Variants in AKAP12 observed in about 807,000 individuals in gnomAD.
The protein encoded by AKAP12 is A-kinase anchoring protein 12, also known as A-kinase anchor protein 12.
In AKAP12, 32 loss-of-function variants were observed where a neutral mutation model predicts 79.9. That is an observed-to-expected ratio of 0.40 (90% CI 0.30 to 0.54). AKAP12 has a LOEUF of 0.54. AKAP12 is among the 20% of genes least tolerant of loss of function. AKAP12 has a pLI of 0.48. For synonymous variants in AKAP12, 808 were observed against 857.0 expected (o/e 0.94, Z 1.00); for missense variants, 2,074 against 2,177.0 (o/e 0.95, Z 0.94).
At chr6:151,293,793 G>A (rs925965537) in intron 2 of AKAP12, among the ~76,000 whole-genome samples, 2 of 152,238 alleles carry the variant, frequency 1.3e-5, no homozygotes, top group Non-Finnish European at 1.5e-5. Flanking sequence ...TGGAATTGCC[G>A]GATTACATAT....
At chr6:151,259,507 T>TAC (rs762556792) in intron 2 of AKAP12, among the ~76,000 whole-genome samples, 3,826 of 122,348 alleles carry the variant, frequency 0.031, 71 homozygotes, top group Middle Eastern at 0.046. Flanking sequence ...CATGTATATA[T>TAC]ATATACACAC....
At chr6:151,299,653 T>G (rs1448592691) in intron 2 of AKAP12, among the ~76,000 whole-genome samples, 1 of 152,196 alleles carries the variant, frequency 6.6e-6, no homozygotes, top group Non-Finnish European at 1.5e-5. Context: ...AGGGACATCT[T>G]CACACATGAG....
At chr6:151,259,470 G>GTGTA (rs1554319977) in intron 2 of AKAP12, among the ~76,000 whole-genome samples, 3,395 of 92,994 alleles carry the variant, frequency 0.037, 165 homozygotes, top group African/African-American at 0.13. Flanking sequence ...ATATATACAT[G>GTGTA]TATATATATA....
intron 3 of AKAP12, among the ~76,000 whole-genome samples, chr6:151,313,755 G>A (rs1181627469): frequency 2.6e-5 from 4 of 152,166 alleles, no homozygotes; most frequent in Non-Finnish European, 5.9e-5. Context: ...TAGGGCGCTA[G>A]ACACGGCTAA....
rs369417804 is a variant in AKAP12, at chr6:151,274,687, G to GA, written c.163-31054dup. Among the ~76,000 whole-genome samples the GA allele has an allele frequency of 7.3e-3, 1,109 of 152,206 alleles. 16 individuals carry two copies. The highest frequency in any genetic ancestry group is 0.025 in the African/African-American group (1,058 of 41,532). ...CCATTATCACTTTTGTGTGTTCTTA[G>GA]AAAAAAGGAGTGTTTGTGAGTTGGG... On this transcript the variant is annotated intron_variant, in intron 2 of 4. Transcript: ENST00000402676.
intron 3 of AKAP12, among the ~76,000 whole-genome samples, chr6:151,336,057 T>TCAATCAGGAA (rs1372189158): frequency 6.6e-6 from 1 of 152,220 alleles, no homozygotes; most frequent in Non-Finnish European, 1.5e-5. Context: ...CTTAGGATAA[T>TCAATCAGGAA]GGCCTCCAGA....
At chr6:151,247,982 C>G (rs1238255273) in intron 2 of AKAP12, among the ~76,000 whole-genome samples, 1 of 152,150 alleles carries the variant, frequency 6.6e-6, no homozygotes, top group Non-Finnish European at 1.5e-5. Context: ...TTCTCTCTGC[C>G]TAATCTTAAT....
chr6:151,248,928 A>G (rs1415727206), intron 2 of AKAP12, among the ~76,000 whole-genome samples: 1 of 152,048 alleles, frequency 6.6e-6, no homozygotes, highest in Non-Finnish European at 1.5e-5. Flanking sequence ...TGGAGGTTGC[A>G]GTGAGCCGAG....
Position 151,353,564 on chromosome 6 carries a change from A to G in AKAP12, c.5173A>G (p.Lys1725Glu). ...TACTGATGCCTCAGGAGGCTTAACC[A>G]AAGAGTCCCCAGATACAAATGGACC... ...ADTDASGGLT[K>E]ESPDTNGPKQ... is the part of the protein sequence containing the mutation. The change falls in exon 4 of 5, where the codon AAA becomes GAA. Residue 1725 changes from lysine (K) to glutamate (E), a missense_variant. Lys to Glu is a moderately conservative substitution (Grantham distance 56, BLOSUM62 1). Around this residue, in one of 3 missense-constraint regions of AKAP12, gnomAD observed 614 missense variants for 665.6 expected, o/e 0.92. Coordinates refer to ENST00000402676, the MANE Select transcript of AKAP12 (RefSeq NM_005100.4). 1.2e-6 allele frequency: 2 copies of G among 1,614,216 alleles called. No homozygotes were observed. The highest frequency in any genetic ancestry group is 8.5e-7 in the Non-Finnish European group (1 of 1,180,028).
rs116881919 is a variant in AKAP12 at position 151,307,972 on chromosome 6, G to A, written c.319+2069G>A. ...ATCTGCCTCCCCGCGCACATCCCCC[G>A]CCTCCGGCTCCAGTGATTCTCCTGC... On this transcript the variant is annotated intron_variant, in intron 3 of 4. Transcript: ENST00000402676. Among the ~76,000 whole-genome samples, 392 of 152,042 alleles carry A rather than the reference G, an allele frequency of 2.6e-3. 1 individual carries two copies. Among genetic ancestry groups the A allele is most frequent in the African/African-American group, 8.9e-3 (371 of 41,478 alleles).
chr6:151,240,875 G>T (rs1237071924), intron 2 of AKAP12, 151 bp downstream of exon 2: 4 of 775,648 alleles, frequency 5.2e-6, no homozygotes, highest in Non-Finnish European at 7.0e-6. Flanking sequence ...CTCTTTGGAG[G>T]CTTTTCAGGG....
At chr6:151,280,156 T>C (rs757242461) in intron 2 of AKAP12, among the ~76,000 whole-genome samples, 1 of 152,032 alleles carries the variant, frequency 6.6e-6, no homozygotes, top group Non-Finnish European at 1.5e-5. Context: ...CACTGCTTAA[T>C]GGCTATATGT....
rs376234284 is a variant in AKAP12, at chr6:151,350,996, G to T, written c.2605G>T (p.Ala869Ser). The change falls in exon 4 of 5, where the codon GCA becomes TCA. Residue 869 changes from alanine to serine, a missense_variant. By Grantham distance (99) the Ala-to-Ser change is moderately conservative (BLOSUM62 1). Transcript: ENST00000402676. This position sits in a 1 kb window ranked among gnomAD's most constrained non-coding sequence, Gnocchi z 4.8. Reference sequence around the variant, plus strand: ...GGAGGCACAGCAAGCCCAAAAAAGCGCAGAGCAGCCCGAGCAGAAGGCAGC... The same window carrying T: ...GGAGGCACAGCAAGCCCAAAAAAGCTCAGAGCAGCCCGAGCAGAAGGCAGC... ...KMEAQQAQKSAEQPEQKAATE... is the reference protein window; with the variant it reads ...KMEAQQAQKSSEQPEQKAATE... The T allele has an allele frequency of 7.4e-6, 12 of 1,614,080 alleles. No homozygotes were observed. In the South Asian group the frequency reaches 1.3e-4, roughly 18 times the overall value.
intron 3 of AKAP12, among the ~76,000 whole-genome samples, chr6:151,343,502 C>T (rs1363776988): frequency 6.6e-6 from 1 of 151,902 alleles, no homozygotes; most frequent in Non-Finnish European, 1.5e-5. Flanking sequence ...CTTTTGTGAC[C>T]GCCAGGCACG....
intron 2 of AKAP12, among the ~76,000 whole-genome samples, chr6:151,275,685 A>G (rs891097383): frequency 2.0e-5 from 3 of 152,234 alleles, no homozygotes; most frequent in African/African-American, 4.8e-5. Flanking sequence ...CGATGGCATG[A>G]TCACTGGAAG....
chr6:151,293,988 T>C (rs1351049304), intron 2 of AKAP12, among the ~76,000 whole-genome samples: 2 of 152,112 alleles, frequency 1.3e-5, no homozygotes, highest in Non-Finnish European at 2.9e-5. Flanking sequence ...TCTTTTTTTT[T>C]TTTTGAGGCG....
At position 151,358,018 on chromosome 6, in the gene AKAP12, C is replaced by A. The variant is rs1251925316; in HGVS notation, c.*2304C>A. 3 of 152,122 alleles carry A rather than the reference C, an allele frequency of 2.0e-5. No individual in the cohort carries two copies. The highest frequency in any genetic ancestry group is 2.4e-5 in the African/African-American group (1 of 41,416). 9.4% of individuals were successfully genotyped at this position (152,122 alleles called of 1,614,324 possible). Reference sequence around the variant, plus strand: ...AGCTGCTTTATGACTGCTTTTTGTACTATCTGGATGTGCCCAGAGTTACTT... The same window carrying A: ...AGCTGCTTTATGACTGCTTTTTGTAATATCTGGATGTGCCCAGAGTTACTT... On this transcript the variant is annotated 3_prime_UTR_variant, in exon 5 of 5. Transcript: ENST00000402676.
chr6:151,349,188 A>C lies in AKAP12; in HGVS notation c.797A>C (p.Lys266Thr). 6.2e-7 allele frequency: 1 copy of C among 1,612,488 alleles called. No individual in the cohort carries two copies. The highest frequency in any genetic ancestry group is 8.5e-7 in the Non-Finnish European group (1 of 1,180,024). ...TCTGGCCAAGCAGTGGAGGAATGCA[A>C]AGAGGAAGGAGAAGAGAAACAAGAA... Reference protein sequence around the residue: ...AESGQAVEECKEEGEEKQEKE... With the variant: ...AESGQAVEECTEEGEEKQEKE... The change falls in exon 4 of 5, where the codon AAA becomes ACA. Residue 266 changes from lysine (K) to threonine (T), a missense_variant. Transcript: ENST00000402676.
At chr6:151,332,331 C>T (rs1238257486) in intron 3 of AKAP12, among the ~76,000 whole-genome samples, 2 of 152,104 alleles carry the variant, frequency 1.3e-5, no homozygotes, top group East Asian at 1.9e-4. Context: ...CCACCGCGCC[C>T]GGCCCAGCCC....
Sources: allele counts gnomAD v4.1 joint callset (sites outside exome capture counted in the v4.1 genomes callset), GRCh38; gene constraint gnomAD v4.1.1; regional missense constraint gnomAD v4.1.1; non-coding constraint Gnocchi (gnomAD v3.1); transcripts MANE v1.5; gene names NCBI Gene and HGNC (gene_info 2026-07-23, HGNC 2026-07-21).